The following NUS1 variants were observed in gnomAD, a reference collection of about 807,000 sequenced individuals.
The protein encoded by NUS1 is dehydrodolichyl diphosphate synthase complex subunit NUS1.
For missense variants in NUS1, 292 were observed against 382.9 expected, an observed-to-expected ratio of 0.76 and a Z score of 1.98; for synonymous variants, 135 against 155.2, an observed-to-expected ratio of 0.87 and a Z score of 0.97.
At chr6:117,691,548 C>T (rs1055183183) in intron 1 of NUS1, among the ~76,000 whole-genome samples, 214 of 57,148 alleles carry the variant, frequency 3.7e-3, no homozygotes, top group African/African-American at 0.012. Context: ...GGTTCTGTGC[C>T]ATAGATATAG....
chr6:117,683,888 G>C (rs766493908), intron 1 of NUS1, among the ~76,000 whole-genome samples: 2 of 152,134 alleles, frequency 1.3e-5, no homozygotes, highest in Non-Finnish European at 2.9e-5. Context: ...TAAACTCCTT[G>C]TGACTTGGTT....
intron 3 of NUS1, among the ~76,000 whole-genome samples, chr6:117,701,401 C>T (rs953938832): frequency 5.9e-5 from 9 of 151,854 alleles, no homozygotes; most frequent in Admixed American, 2.6e-4. Context: ...CCCGCCACCG[C>T]GCCTGGCTAA....
At chr6:117,700,602 A>G (rs758990024) in intron 3 of NUS1, among the ~76,000 whole-genome samples, 1 of 152,252 alleles carries the variant, frequency 6.6e-6, no homozygotes, top group Admixed American at 6.5e-5. Context: ...GAGCTACCAC[A>G]TGATCCAGTA....
intron 2 of NUS1, 148 bp from the exon 3 acceptor site, chr6:117,693,883 G>T: frequency 4.3e-6 from 3 of 695,572 alleles, no homozygotes; most frequent in Non-Finnish European, 6.9e-6. Context: ...AGTATGTTTT[G>T]ATATTGAAAT....
intron 1 of NUS1, among the ~76,000 whole-genome samples, chr6:117,685,173 A>T (rs77885036): frequency 0.012 from 1,863 of 152,340 alleles, 90 homozygotes; most frequent in Admixed American, 0.092. Context: ...TTAAGAAATA[A>T]CAAAAGCATG....
rs534220200 is a variant in NUS1 at position 117,699,177 on chromosome 6, A to G, written c.692-4428A>G. Among the ~76,000 whole-genome samples, 6 of 152,218 alleles carry G rather than the reference A, an allele frequency of 3.9e-5. No homozygotes were observed. In the South Asian group the frequency reaches 1.0e-3, roughly 26 times the overall value. On this transcript the variant is annotated intron_variant, in intron 3 of 4. Coordinates refer to ENST00000368494, the MANE Select transcript of NUS1 (RefSeq NM_138459.5). ...GCAATTAGACCAGAAAAAGAAGGAA[A>G]AGGCATCCAGATTGGAAAGGAAGAA...
intron 4 of NUS1, 48 bp from the exon 5 acceptor site, chr6:117,706,877 T>C: frequency 2.1e-6 from 3 of 1,447,112 alleles, no homozygotes. Flanking sequence ...CCCCCCTACA[T>C]TACAGTGTAT....
At chr6:117,695,733 C>T (rs1005450186) in intron 3 of NUS1, among the ~76,000 whole-genome samples, 8 of 152,320 alleles carry the variant, frequency 5.3e-5, no homozygotes, top group African/African-American at 1.2e-4. Context: ...CTCCTGCCCC[C>T]TAAACCAGCA....
chr6:117,677,059 A>C (rs978916391), intron 1 of NUS1, among the ~76,000 whole-genome samples: 2 of 152,296 alleles, frequency 1.3e-5, no homozygotes, highest in Admixed American at 1.3e-4. Flanking sequence ...TTGTCCTCTC[A>C]TATGTTTTGA....
chr6:117,680,642 C>T (rs142156612), intron 1 of NUS1, among the ~76,000 whole-genome samples: 51 of 152,348 alleles, frequency 3.3e-4, no homozygotes, highest in African/African-American at 1.2e-3. Context: ...TATGATACTT[C>T]TGCACACTGA....
chr6:117,685,405 G>T (rs1208040279), intron 1 of NUS1, among the ~76,000 whole-genome samples: 1 of 151,382 alleles, frequency 6.6e-6, no homozygotes, highest in Admixed American at 6.6e-5. Context: ...TAGAGACAGG[G>T]TCTTACTTTG....
intron 4 of NUS1, among the ~76,000 whole-genome samples, chr6:117,705,275 A>G (rs1773482892): frequency 6.6e-6 from 1 of 152,138 alleles, no homozygotes; most frequent in Non-Finnish European, 1.5e-5. Flanking sequence ...TTTTCAAGTC[A>G]TTTCAGGTTG....
intron 4 of NUS1, among the ~76,000 whole-genome samples, chr6:117,704,533 C>G (rs1195897763): frequency 6.6e-6 from 1 of 152,110 alleles, no homozygotes; most frequent in Non-Finnish European, 1.5e-5. Context: ...TGACCGTGTT[C>G]TGATAAAACT....
chr6:117,676,209 T>C (rs905664565), intron 1 of NUS1, 124 bp downstream of exon 1: 2 of 1,436,646 alleles, frequency 1.4e-6, no homozygotes, highest in Non-Finnish European at 1.9e-6. Context: ...CGCTAGCGCT[T>C]TCGAGGAAGG....
chr6:117,685,087 A>G (rs1271506420), intron 1 of NUS1, among the ~76,000 whole-genome samples: 4 of 152,346 alleles, frequency 2.6e-5, no homozygotes, highest in Non-Finnish European at 5.9e-5. Context: ...TTTTAAGACT[A>G]GAATTTAAAA....
intron 1 of NUS1, 58 bp from the exon 2 acceptor site, chr6:117,692,984 C>T: frequency 7.0e-7 from 1 of 1,419,512 alleles, no homozygotes; most frequent in South Asian, 1.2e-5. Context: ...AGCAAGCATT[C>T]ACTTGAAGAG....
chr6:117,697,748 CAGAT>C lies in NUS1; in HGVS notation c.691+3572_691+3575del, dbSNP rs963404521. Among the ~76,000 whole-genome samples the C allele has an allele frequency of 5.0e-4, 76 of 152,126 alleles. 1 individual carries two copies. Among genetic ancestry groups the C allele is most frequent in the African/African-American group, 1.5e-3 (64 of 41,550 alleles). On this transcript the variant is annotated intron_variant, in intron 3 of 4. Coordinates refer to ENST00000368494, the MANE Select transcript of NUS1 (RefSeq NM_138459.5). ...TCAACACCCCACTTTCAACACTAGA[CAGAT>C]AGAGACAGAAAATCAACAAGAAACA... is the stretch of plus-strand genomic sequence containing the variant.
At chr6:117,695,529 G>A (rs1773306933) in intron 3 of NUS1, among the ~76,000 whole-genome samples, 1 of 152,194 alleles carries the variant, frequency 6.6e-6, no homozygotes, top group Non-Finnish European at 1.5e-5. Context: ...AAAAGTTGAT[G>A]GAGATCCAAA....
intron 1 of NUS1, among the ~76,000 whole-genome samples, chr6:117,680,878 G>A (rs1239950366): frequency 1.3e-5 from 2 of 152,110 alleles, no homozygotes; most frequent in Non-Finnish European, 2.9e-5. Flanking sequence ...TATTTCCTTA[G>A]TTTATTTAAA....
Sources: gnomAD v4.1 joint callset for allele counts (sites outside exome capture counted in the v4.1 genomes callset) on GRCh38, gnomAD v4.1.1 for gene constraint, MANE v1.5 for transcripts, NCBI Gene and HGNC (gene_info 2026-07-23, HGNC 2026-07-21) for gene names.